Variants in XYLB observed in about 807,000 individuals in gnomAD.
The protein encoded by XYLB is xylulokinase, also known as xylulose kinase.
A neutral mutation model predicts 78.7 loss-of-function variants in XYLB; 62 were observed. That is an observed-to-expected ratio of 0.79 (90% CI 0.64 to 0.97). The LOEUF (loss-of-function observed/expected upper bound fraction) is 0.97. XYLB is among the 50% of genes least tolerant of loss of function. The pLI, the probability that XYLB is intolerant of heterozygous loss-of-function variation, is 0.00. For synonymous variants in XYLB, 245 were observed against 247.4 expected, an observed-to-expected ratio of 0.99 and a Z score of 0.09; for missense variants, 687 against 676.8, an observed-to-expected ratio of 1.02 and a Z score of -0.17.
intron 3 of XYLB, among the ~76,000 whole-genome samples, chr3:38,361,958 G>T (rs1705999855): frequency 6.6e-6 from 1 of 152,266 alleles, no homozygotes; most frequent in Non-Finnish European, 1.5e-5. Flanking sequence ...GGAGGGTGGT[G>T]CCAAGCTCTG....
chr3:38,397,389 G>T (rs11917976), intron 17 of XYLB, among the ~76,000 whole-genome samples: 6,061 of 152,236 alleles, frequency 0.04, 410 homozygotes, highest in African/African-American at 0.14. Flanking sequence ...AACTGAATGA[G>T]GTCTGGTCAG....
At chr3:38,450,560 A>AT in the XYLB span, among the ~76,000 whole-genome samples, 1 of 151,924 alleles carries the variant, frequency 6.6e-6, no homozygotes, top group Non-Finnish European at 1.5e-5. Context: ...GGGGTTTCAG[A>AT]TTTTTTTTGC....
the XYLB span, among the ~76,000 whole-genome samples, chr3:38,435,020 C>T: frequency 3.9e-5 from 6 of 152,070 alleles, no homozygotes; most frequent in African/African-American, 1.5e-4. Context: ...GCCTGTAATC[C>T]CAGCTACTTG....
chr3:38,405,812 G>A (rs2125666603), intron 18 of XYLB, among the ~76,000 whole-genome samples: 1 of 152,382 alleles, frequency 6.6e-6, no homozygotes, highest in Admixed American at 6.5e-5. Flanking sequence ...CAAACTGCAA[G>A]GCGGCAGCCA....
rs562658821 is a variant in XYLB, at chr3:38,409,847, A to C, written c.1534-3089A>C. Among the ~76,000 whole-genome samples the C allele has an allele frequency of 9.8e-5, 15 of 152,362 alleles. No homozygotes were observed. In the South Asian group the frequency reaches 2.9e-3, roughly 29 times the overall value. ...ACAAGGGACATGAAGGACCTCTTCA[A>C]GGAGAACTACAAACCACTGCTCAAT... On this transcript the variant is annotated intron_variant, in intron 18 of 18. Coordinates refer to ENST00000207870, the MANE Select transcript of XYLB (RefSeq NM_005108.4).
Position 38,368,243 on chromosome 3 carries a change from T to C in XYLB, c.632T>C (p.Ile211Thr). 6.2e-7 allele frequency: 1 copy of C among 1,614,152 alleles called. No individual in the cohort carries two copies. Among genetic ancestry groups the C allele is most frequent in the Non-Finnish European group, 8.5e-7 (1 of 1,180,006 alleles). The change falls in exon 8 of 19, where the codon ATT becomes ACT. Residue 211 changes from isoleucine to threonine, a missense_variant. Physicochemically the swap from Ile to Thr is moderately conservative, Grantham distance 89 (BLOSUM62 -1). Coordinates refer to ENST00000207870, the MANE Select transcript of XYLB (RefSeq NM_005108.4). ...CTGTTCCTTGGCTCTTACTCCCCTATTGACTACAGTGATGGTGAGCCTCGG... is the reference window on the plus strand; with the variant it reads ...CTGTTCCTTGGCTCTTACTCCCCTACTGACTACAGTGATGGTGAGCCTCGG... ...ASLFLGSYSP[I>T]DYSDGSGMNL... is the part of the protein sequence containing the mutation.
At chr3:38,385,303 G>A (rs925477011) in intron 15 of XYLB, among the ~76,000 whole-genome samples, 2 of 152,050 alleles carry the variant, frequency 1.3e-5, no homozygotes, top group African/African-American at 4.8e-5. Context: ...CTCATTCTAT[G>A]CCCTATACCC....
chr3:38,379,450 G>C, intron 15 of XYLB, 108 bp downstream of exon 15: 1 of 1,098,946 alleles, frequency 9.1e-7, no homozygotes, highest in Non-Finnish European at 1.4e-6. Flanking sequence ...TCTTACAGGG[G>C]GACTTGTGCA....
chr3:38,405,523 A>G (rs916423320), intron 18 of XYLB, among the ~76,000 whole-genome samples: 3 of 152,234 alleles, frequency 2.0e-5, no homozygotes, highest in African/African-American at 7.2e-5. Context: ...GGAGTGCCAG[A>G]CAGTGGGCAC....
At chr3:38,447,037 A>G in the XYLB span, among the ~76,000 whole-genome samples, 3 of 152,248 alleles carry the variant, frequency 2.0e-5, no homozygotes, top group African/African-American at 7.2e-5. Flanking sequence ...GGGGACTAAT[A>G]TCCAGAATAT....
intron 15 of XYLB, among the ~76,000 whole-genome samples, chr3:38,381,380 C>T (rs1441475238): frequency 1.3e-5 from 2 of 152,110 alleles, no homozygotes; most frequent in Admixed American, 6.5e-5. Context: ...GTAATAATTG[C>T]ATTAACTGCA....
intron 2 of XYLB, among the ~76,000 whole-genome samples, chr3:38,352,856 C>G (rs1398174592): frequency 6.6e-6 from 1 of 152,090 alleles, no homozygotes; most frequent in Non-Finnish European, 1.5e-5. Context: ...TTAAAGTCAT[C>G]TGTAGAGAAG....
At chr3:38,360,007 C>T (rs182186813) in intron 2 of XYLB, among the ~76,000 whole-genome samples, 230 of 152,202 alleles carry the variant, frequency 1.5e-3, no homozygotes, top group Non-Finnish European at 2.5e-3. Context: ...GTGTGGCTGC[C>T]CCTCCTCTAC....
At chr3:38,403,304 A>AAT (rs1210471293) in intron 18 of XYLB, among the ~76,000 whole-genome samples, 4 of 151,960 alleles carry the variant, frequency 2.6e-5, no homozygotes, top group Admixed American at 6.6e-5. Context: ...AAAAAAAAAA[A>AAT]AAGTTACTAA....
the XYLB span, among the ~76,000 whole-genome samples, chr3:38,434,859 G>A: frequency 6.6e-5 from 10 of 152,236 alleles, no homozygotes; most frequent in Non-Finnish European, 1.0e-4. Context: ...GGAGCTAGGT[G>A]TGGTGGCTCA....
intron 2 of XYLB, chr3:38,356,256 A>C (rs1363655003): frequency 6.7e-6 from 1 of 149,856 alleles, no homozygotes; most frequent in Non-Finnish European, 1.5e-5. Flanking sequence ...GTCTCAAAAA[A>C]AAAAAAAAAA....
At chr3:38,448,841 A>G in the XYLB span, among the ~76,000 whole-genome samples, 4 of 152,284 alleles carry the variant, frequency 2.6e-5, no homozygotes, top group African/African-American at 9.6e-5. Context: ...TGAAGACTCC[A>G]ATTTTGCTGG....
At chr3:38,407,252 T>C (rs1478050712) in intron 18 of XYLB, among the ~76,000 whole-genome samples, 2 of 149,774 alleles carry the variant, frequency 1.3e-5, no homozygotes, top group African/African-American at 2.4e-5. Context: ...GAAAAGAATT[T>C]TCAACCCAGA....
At chr3:38,402,274 C>T (rs983564373) in intron 18 of XYLB, among the ~76,000 whole-genome samples, 5 of 152,186 alleles carry the variant, frequency 3.3e-5, no homozygotes, top group African/African-American at 1.2e-4. Flanking sequence ...AACAGATAAA[C>T]ATTCTCTCCA....
Sources: allele counts gnomAD v4.1 joint callset (sites outside exome capture counted in the v4.1 genomes callset), GRCh38; gene constraint gnomAD v4.1.1; transcripts MANE v1.5; gene names NCBI Gene and HGNC (gene_info 2026-07-23, HGNC 2026-07-21).